The following RTTN variants were observed in gnomAD, a reference collection of about 807,000 sequenced individuals.
The protein encoded by RTTN is rotatin.
Under a neutral mutation model 269.2 loss-of-function variants are expected in RTTN, and 182 were observed. That is an observed-to-expected ratio of 0.68 (90% CI 0.60 to 0.76). RTTN has a LOEUF of 0.76. Ranked by LOEUF, RTTN falls within the 30% of genes least tolerant of loss-of-function variation. The pLI, the probability that RTTN is intolerant of heterozygous loss-of-function variation, is 0.00. For synonymous variants in RTTN, 1,006 were observed against 963.5 expected (o/e 1.04, Z -0.82); for missense variants, 2,545 against 2,608.6 (o/e 0.98, Z 0.53).
At chr18:70,170,308 C>A (rs1220025808) in intron 11 of RTTN, among the ~76,000 whole-genome samples, 1 of 152,156 alleles carries the variant, frequency 6.6e-6, no homozygotes, top group Non-Finnish European at 1.5e-5. Flanking sequence ...AAGCTCACAT[C>A]CCACTGAAGA....
rs925701124 is a variant in RTTN at position 70,059,872 on chromosome 18, G to A, written c.4918C>T (p.His1640Tyr). 1.2e-6 allele frequency: 2 copies of A among 1,609,380 alleles called. No individual in the cohort carries two copies. Among genetic ancestry groups the A allele is most frequent in the African/African-American group, 1.3e-5 (1 of 74,822 alleles). ...RDTAKAFRQA[H>Y]LIELLCSIAD... ...TACCTACAGAGAAGTTCTATGAGAT[G>A]AGCTTGTCGAAAAGCCTTTGCAGTG... The change falls in exon 36 of 49, where the codon CAT becomes TAT. Residue 1640 changes from histidine to tyrosine, a missense_variant. Coordinates refer to ENST00000640769, the MANE Select transcript of RTTN (RefSeq NM_173630.4).
chr18:70,153,471 A>G lies in RTTN; in HGVS notation c.1930-2738T>C, dbSNP rs78545564. 4.6e-3 allele frequency among the ~76,000 whole-genome samples: 707 copies of G among 152,294 alleles called. 12 individuals are homozygous for G. In the East Asian group the frequency reaches 0.061, roughly 13 times the overall value. On this transcript the variant is annotated intron_variant, in intron 14 of 48. Coordinates refer to ENST00000640769, the MANE Select transcript of RTTN (RefSeq NM_173630.4). ...TAAAGTGTCCAGTAAATATTGCTAAATGAATGTTAGATGTAGGTAACATGG... is the reference window on the plus strand; with the variant it reads ...TAAAGTGTCCAGTAAATATTGCTAAGTGAATGTTAGATGTAGGTAACATGG...
intron 23 of RTTN, chr18:70,128,828 C>T: frequency 3.6e-6 from 1 of 276,696 alleles, no homozygotes; most frequent in Non-Finnish European, 6.9e-6. Context: ...TCCTTGAAGT[C>T]AGGGACCATG....
intron 34 of RTTN, among the ~76,000 whole-genome samples, chr18:70,070,839 G>C (rs2058275223): frequency 6.6e-6 from 1 of 152,272 alleles, no homozygotes; most frequent in East Asian, 1.9e-4. Context: ...TTCTCAAGTA[G>C]ACTTTTGTCA....
intron 14 of RTTN, among the ~76,000 whole-genome samples, chr18:70,155,682 G>A (rs148965338): frequency 1.3e-5 from 2 of 152,382 alleles, no homozygotes; most frequent in East Asian, 1.9e-4. Context: ...GTCTGGCGCA[G>A]TAATGGCTGC....
rs1043313827 is a variant in RTTN at position 70,176,706 on chromosome 18, C to G, written c.1445G>C (p.Arg482Pro). The change falls in exon 11 of 49, where the codon CGA (arginine) becomes CCA (proline). Residue 482 changes from arginine (R) to proline (P), a missense_variant. Coordinates refer to ENST00000640769, the MANE Select transcript of RTTN (RefSeq NM_173630.4). ...AFISISLFAV[R>P]LLQTLLPVEK... ...AACAGGGAGAAGCGTTTGTAGCAGT[C>G]GAACTGCAAACAGGGAAATGCTGAT... 1.2e-6 allele frequency: 2 copies of G among 1,613,728 alleles called. No homozygotes were observed. Among genetic ancestry groups the G allele is most frequent in the East Asian group, 2.2e-5 (1 of 44,868 alleles).
chr18:70,182,405 G>GA (rs1373367752), intron 10 of RTTN, among the ~76,000 whole-genome samples: 1 of 151,076 alleles, frequency 6.6e-6, no homozygotes, highest in Non-Finnish European at 1.5e-5. Context: ...AGCATAAAGA[G>GA]AAAAAAAACT....
chr18:70,185,934 T>C (rs1400815795), intron 10 of RTTN, among the ~76,000 whole-genome samples: 1 of 152,058 alleles, frequency 6.6e-6, no homozygotes, highest in Non-Finnish European at 1.5e-5. Flanking sequence ...AAAAGAATAC[T>C]TAAGAATAAG....
chr18:70,061,382 G>C (rs946290525), intron 35 of RTTN: 1 of 456,180 alleles, frequency 2.2e-6, no homozygotes, highest in Admixed American at 2.3e-5. Flanking sequence ...TTGGATATTT[G>C]TTCCAAAGTG....
At chr18:70,202,101 A>G (rs1600092237) in intron 3 of RTTN, 118 bp from the exon 4 acceptor site, 4 of 597,960 alleles carry the variant, frequency 6.7e-6, no homozygotes, top group Non-Finnish European at 1.1e-5. Context: ...AAAATTAAAA[A>G]AAAGTCCAGT....
chr18:70,096,867 A>C (rs1030779139), intron 28 of RTTN, among the ~76,000 whole-genome samples: 1 of 152,202 alleles, frequency 6.6e-6, no homozygotes, highest in African/African-American at 2.4e-5. Context: ...GCAGGCAAGA[A>C]TATTTAAGTT....
intron 24 of RTTN, chr18:70,128,085 C>G: frequency 2.4e-6 from 1 of 421,380 alleles, no homozygotes; most frequent in East Asian, 4.2e-5. Context: ...GACCCTTTTC[C>G]TAGTGATTCA....
At chr18:70,096,715 A>T (rs1453656913) in intron 28 of RTTN, among the ~76,000 whole-genome samples, 1 of 152,116 alleles carries the variant, frequency 6.6e-6, no homozygotes, top group Non-Finnish European at 1.5e-5. Flanking sequence ...GAGCTCTCCT[A>T]TATGAGGTGT....
chr18:70,197,251 C>A (rs1052935415), intron 6 of RTTN, among the ~76,000 whole-genome samples: 8 of 152,140 alleles, frequency 5.3e-5, no homozygotes, highest in African/African-American at 1.9e-4. Context: ...TTACTCACCG[C>A]TACTGTATTT....
intron 4 of RTTN, among the ~76,000 whole-genome samples, chr18:70,200,189 C>T (rs192746496): frequency 1.9e-4 from 29 of 152,290 alleles, no homozygotes; most frequent in African/African-American, 4.6e-4. Flanking sequence ...AGCATGGAAT[C>T]GCTAAATGTG....
intron 11 of RTTN, among the ~76,000 whole-genome samples, chr18:70,170,816 A>G (rs1017982821): frequency 2.6e-5 from 4 of 152,228 alleles, no homozygotes; most frequent in African/African-American, 7.2e-5. Context: ...TGGTGGGCTT[A>G]ACTCAGGTAT....
chr18:70,165,383 G>C (rs919118750), intron 14 of RTTN, among the ~76,000 whole-genome samples: 11 of 151,728 alleles, frequency 7.2e-5, no homozygotes, highest in African/African-American at 2.7e-4. Context: ...TGTAAGAGTG[G>C]CTAGGCTATG....
rs770927600 is a variant in RTTN, at chr18:70,145,710, G to C, written c.2383C>G (p.Leu795Val). 2 of 1,613,408 alleles carry C rather than the reference G, an allele frequency of 1.2e-6. No homozygotes were observed. Among genetic ancestry groups the C allele is most frequent in the African/African-American group, 1.3e-5 (1 of 74,980 alleles). The change falls in exon 18 of 49, where the codon CTA (leucine) becomes GTA (valine). Residue 795 changes from leucine (L) to valine (V), a missense_variant. Physicochemically the swap from Leu to Val is conservative, Grantham distance 32. Coordinates refer to ENST00000640769, the MANE Select transcript of RTTN (RefSeq NM_173630.4). Reference protein sequence around the residue: ...SEEGADTKRPLIDARVLSRVT... With the variant: ...SEEGADTKRPVIDARVLSRVT... Reference sequence around the variant, plus strand: ...CTGGAGAGAACTCTGGCGTCTATTAGAGGACGCTTTGTATCAGCCCCTTCT... The same window carrying C: ...CTGGAGAGAACTCTGGCGTCTATTACAGGACGCTTTGTATCAGCCCCTTCT...
chr18:70,151,804 A>G (rs1014699950), intron 14 of RTTN, among the ~76,000 whole-genome samples: 1 of 152,134 alleles, frequency 6.6e-6, no homozygotes, highest in East Asian at 1.9e-4. Context: ...TTTTCTTCAC[A>G]TGATTATTCT....
Sources: allele counts gnomAD v4.1 joint callset (sites outside exome capture counted in the v4.1 genomes callset), GRCh38; gene constraint gnomAD v4.1.1; transcripts MANE v1.5; gene names NCBI Gene and HGNC (gene_info 2026-07-23, HGNC 2026-07-21).